The following GPAM variants were observed in gnomAD, a reference collection of about 807,000 sequenced individuals.
The protein encoded by GPAM is glycerol-3-phosphate acyltransferase, mitochondrial.
GPAM carries 56 observed loss-of-function variants against 105.0 expected under a neutral mutation model. The ratio of observed to expected loss-of-function variants is 0.53; its 90% CI spans 0.43 to 0.67. The LOEUF is 0.67. Among genes scored for constraint, GPAM ranks in the 30% least tolerant of loss-of-function variants. The pLI, the probability that GPAM is intolerant of heterozygous loss-of-function variation, is 0.00. For missense variants in GPAM, 855 were observed against 989.8 expected (o/e 0.86, Z 1.83); for synonymous variants, 368 against 354.4 (o/e 1.04, Z -0.43).
chr10:112,217,027 A>G (rs1847978284), upstream of GPAM, among the ~76,000 whole-genome samples: 1 of 152,168 alleles, frequency 6.6e-6, no homozygotes, highest in Non-Finnish European at 1.5e-5. Context: ...CATACAATTT[A>G]CCCATTTAAA....
At chr10:112,159,142 T>C (rs982135864) in intron 17 of GPAM, among the ~76,000 whole-genome samples, 1 of 151,910 alleles carries the variant, frequency 6.6e-6, no homozygotes, top group Non-Finnish European at 1.5e-5. Context: ...GGGTATATAA[T>C]ATAAATGCTC....
At chr10:112,181,068 A>C (rs1266072367) in intron 3 of GPAM, among the ~76,000 whole-genome samples, 2 of 152,092 alleles carry the variant, frequency 1.3e-5, no homozygotes, top group Non-Finnish European at 2.9e-5. Flanking sequence ...CAGAACTTAA[A>C]TTATAGCTAT....
chr10:112,186,708 A>C (rs1847600352), upstream of GPAM, among the ~76,000 whole-genome samples: 1 of 151,970 alleles, frequency 6.6e-6, no homozygotes, highest in South Asian at 2.1e-4. Context: ...CACAACGCCC[A>C]GCTAATTTTT....
rs1055079853 is a variant in GPAM, at chr10:112,151,670, G to A, written c.*1880C>T. The A allele has an allele frequency of 1.8e-5, 18 of 985,138 alleles. No individual in the cohort carries two copies. In the African/African-American group the frequency reaches 3.1e-4, roughly 17 times the overall value. 61.0% of individuals were successfully genotyped at this position (985,138 alleles called of 1,614,324 possible). On this transcript the variant is annotated 3_prime_UTR_variant, in exon 22 of 22. Coordinates refer to ENST00000348367, the MANE Select transcript of GPAM (RefSeq NM_001244949.2). ...GCAGCAATGACAGGCAGGGCAGAGT[G>A]TCGACTGGGAAGCGAGTCCCAATCT...
chr10:112,157,273 C>CT lies in GPAM; in HGVS notation c.2096dup (p.Glu700GlyfsTer51). Reference sequence around the variant, plus strand: ...CCTTCAGGTAGCAATCTCGCTGTTCCTCCCCAAAGTCACTGTCTTCATCTT... The same window carrying CT: ...CCTTCAGGTAGCAATCTCGCTGTTCCTTCCCCAAAGTCACTGTCTTCATCTT... On this transcript the variant is annotated frameshift_variant, in exon 19 of 22. Transcript: ENST00000348367. LOFTEE classifies it high-confidence loss of function. The CT allele has an allele frequency of 6.2e-7, 1 of 1,613,918 alleles. No individual in the cohort carries two copies. The highest frequency in any genetic ancestry group is 8.5e-7 in the Non-Finnish European group (1 of 1,179,818).
At position 112,163,774 on chromosome 10, in the gene GPAM, A is replaced by G. The variant is rs898651172; in HGVS notation, c.1350T>C (p.Asn450=). 6.2e-7 allele frequency: 1 copy of G among 1,606,286 alleles called. No homozygotes were observed. Among genetic ancestry groups the G allele is most frequent in the Non-Finnish European group, 8.5e-7 (1 of 1,172,828 alleles). ...AADEGRDTSI[N]ESRNATDESL... ...ATTCATCTGTTGCATTTCTGGACTCATTAATGGACGTGTCTCTACCTTCAT... is the reference window on the plus strand; with the variant it reads ...ATTCATCTGTTGCATTTCTGGACTCGTTAATGGACGTGTCTCTACCTTCAT... Residue 450 remains asparagine, a synonymous_variant, in exon 14 of 22, where the codon AAT becomes AAC. Coordinates refer to ENST00000348367, the MANE Select transcript of GPAM (RefSeq NM_001244949.2).
Position 112,181,739 on chromosome 10 carries a change from G to T in GPAM, c.46C>A (p.Leu16Met). Residue 16 changes from leucine (L) to methionine (M), a missense_variant, in exon 3 of 22, where the codon CTG (leucine) becomes ATG (methionine). Coordinates refer to ENST00000348367, the MANE Select transcript of GPAM (RefSeq NM_001244949.2). ...ACACTGTATTCTGATGAATGTGGCA[G>T]ATAAGAAACATCTATTGTACCAAGG... ...LTLGTIDVSY[L>M]PHSSEYSVGR... The T allele has an allele frequency of 6.2e-7, 1 of 1,610,462 alleles. No individual in the cohort carries two copies.
In GPAM at chr10:112,207,870, T is replaced by C. The variant is rs17129611; in HGVS notation, n.210+7298A>G. Among the ~76,000 whole-genome samples the C allele has an allele frequency of 2.6e-3, 392 of 152,302 alleles. 2 individuals are homozygous for C. Among genetic ancestry groups the C allele is most frequent in the Middle Eastern group, 0.017 (5 of 294 alleles). On this transcript the variant is annotated intron_variant and non_coding_transcript_variant, in intron 1 of 3. Coordinates refer to the GPAM transcript ENST00000480130. ...CAGAGAGAAGGCAACATTGCAAACA[T>C]GGGTAAAGCAAAATGCTCCTTACAG...
intron 1 of GPAM, among the ~76,000 whole-genome samples, chr10:112,199,835 G>A (rs1016028407): frequency 2.6e-5 from 4 of 152,138 alleles, no homozygotes; most frequent in South Asian, 4.2e-4. Context: ...CCTACCATGG[G>A]AACAGTATGG....
Position 112,151,474 on chromosome 10 carries a change from G to A in GPAM, c.*2076C>T, listed in dbSNP as rs2091697530. 1 of 985,634 alleles carries A rather than the reference G, an allele frequency of 1.0e-6. No homozygotes were observed. Among genetic ancestry groups the A allele is most frequent in the African/African-American group, 1.7e-5 (1 of 57,230 alleles). 61.1% of individuals were successfully genotyped at this position (985,634 alleles called of 1,614,324 possible). A position where few individuals can be genotyped will look rare whatever the true frequency, so the allele number is the denominator to read the frequency against. ...TCAAAGCACCAGTTAATTACAAAAAGCATGCATATTTATCCTCACAGTGAG... is the reference window on the plus strand; with the variant it reads ...TCAAAGCACCAGTTAATTACAAAAAACATGCATATTTATCCTCACAGTGAG... On this transcript the variant is annotated 3_prime_UTR_variant, in exon 22 of 22. Coordinates refer to ENST00000348367, the MANE Select transcript of GPAM (RefSeq NM_001244949.2).
intron 1 of GPAM, among the ~76,000 whole-genome samples, chr10:112,208,957 A>C (rs1188137981): frequency 6.6e-6 from 1 of 152,158 alleles, no homozygotes; most frequent in Admixed American, 6.5e-5. Context: ...CTAAACAACC[A>C]CTGGCGTTGG....
At chr10:112,177,860 T>C in intron 5 of GPAM, 124 bp downstream of exon 5, 2 of 640,324 alleles carry the variant, frequency 3.1e-6, no homozygotes, top group Non-Finnish European at 5.7e-6. Flanking sequence ...ATCTCTCTTG[T>C]GTCAGAAACT....
chr10:112,198,774 T>C (rs1006227405), intron 1 of GPAM, among the ~76,000 whole-genome samples: 2 of 152,200 alleles, frequency 1.3e-5, no homozygotes, highest in Non-Finnish European at 2.9e-5. Context: ...AAGCAACCTA[T>C]GTGTCCGTTG....
chr10:112,208,193 C>T (rs1035066403), intron 1 of GPAM, among the ~76,000 whole-genome samples: 9 of 152,178 alleles, frequency 5.9e-5, no homozygotes, highest in African/African-American at 1.7e-4. Flanking sequence ...CCCCAAGATT[C>T]GGCTACCATA....
In GPAM at chr10:112,200,348, C is replaced by A. The variant is rs1225524118; in HGVS notation, n.210+14820G>T. ...TGTTGCCGAGATTGGAGTGCAGTGG[C>A]ACAATCTTGGCTCACTGCAACCTTG... On this transcript the variant is annotated intron_variant and non_coding_transcript_variant, in intron 1 of 3. Coordinates refer to the GPAM transcript ENST00000480130. Among the ~76,000 whole-genome samples the A allele has an allele frequency of 2.0e-5, 3 of 151,734 alleles. No homozygotes were observed. In the East Asian group the frequency reaches 5.8e-4, roughly 29 times the overall value.
At chr10:112,167,401 C>T (rs1289783168) in intron 11 of GPAM, among the ~76,000 whole-genome samples, 3 of 152,152 alleles carry the variant, frequency 2.0e-5, no homozygotes, top group Non-Finnish European at 4.4e-5. Flanking sequence ...ATCAGTTCTT[C>T]TCCTAGGCAC....
Position 112,150,549 on chromosome 10 carries a change from C to T in GPAM, c.*3001G>A. The T allele has an allele frequency of 1.0e-6, 1 of 985,414 alleles. No homozygotes were observed. Among genetic ancestry groups the T allele is most frequent in the Non-Finnish European group, 1.2e-6 (1 of 829,578 alleles). 61.0% of individuals were successfully genotyped at this position (985,414 alleles called of 1,614,324 possible). ...TGCTATCTGTTCATTACCGTTTTGT[C>T]TCCTTAAAGAACTATCTAACATAGT... On this transcript the variant is annotated 3_prime_UTR_variant, in exon 22 of 22. Transcript: ENST00000348367.
chr10:112,215,815 G>A (rs1847961546), upstream of GPAM, among the ~76,000 whole-genome samples: 1 of 152,208 alleles, frequency 6.6e-6, no homozygotes, highest in Non-Finnish European at 1.5e-5. Flanking sequence ...CACTGACTGT[G>A]ACCCTGAGAA....
At chr10:112,225,974 G>A in the GPAM span, among the ~76,000 whole-genome samples, 1 of 152,114 alleles carries the variant, frequency 6.6e-6, no homozygotes, top group Non-Finnish European at 1.5e-5. Context: ...CCTCCCCTGG[G>A]AGCCTCCCCT....
Sources: gnomAD v4.1 joint callset for allele counts (sites outside exome capture counted in the v4.1 genomes callset) on GRCh38, gnomAD v4.1.1 for gene constraint, MANE v1.5 for transcripts, NCBI Gene and HGNC (gene_info 2026-07-23, HGNC 2026-07-21) for gene names.